The following NWD2 variants were observed in gnomAD, a reference collection of about 807,000 sequenced individuals.
NWD2 encodes the protein NACHT and WD repeat domain-containing protein 2.
NWD2 carries 37 observed loss-of-function variants against 132.7 expected under a neutral mutation model. The ratio of observed to expected loss-of-function variants is 0.28; its 90% CI spans 0.21 to 0.37. The LOEUF (loss-of-function observed/expected upper bound fraction) is 0.37. Among genes scored for constraint, NWD2 ranks in the 10% least tolerant of loss-of-function variants. The pLI, the probability that NWD2 is intolerant of heterozygous loss-of-function variation, is 1.00. For missense variants in NWD2, 1,592 were observed against 2,122.4 expected (o/e 0.75, Z 4.91); for synonymous variants, 705 against 803.0 (o/e 0.88, Z 2.06).
chr4:37,356,819 A>G (rs763989545), intron 3 of NWD2, among the ~76,000 whole-genome samples: 5 of 152,204 alleles, frequency 3.3e-5, no homozygotes, highest in Non-Finnish European at 1.5e-5. Flanking sequence ...ATCTTATTGT[A>G]TAATATATTC....
At chr4:37,423,924 A>G (rs1711902706) in intron 3 of NWD2, among the ~76,000 whole-genome samples, 1 of 152,184 alleles carries the variant, frequency 6.6e-6, no homozygotes, top group Non-Finnish European at 1.5e-5. Flanking sequence ...ACAAATTCAG[A>G]TACATGTATA....
At chr4:37,343,490 TCAAAA>T (rs1560399705) in intron 2 of NWD2, among the ~76,000 whole-genome samples, 1 of 152,192 alleles carries the variant, frequency 6.6e-6, no homozygotes, top group Non-Finnish European at 1.5e-5. Flanking sequence ...CCATTTTTAA[TCAAAA>T]CAAAATTCAA....
chr4:37,442,644 C>A (rs1577704074), intron 6 of NWD2, among the ~76,000 whole-genome samples: 1 of 152,160 alleles, frequency 6.6e-6, no homozygotes, highest in East Asian at 1.9e-4. Flanking sequence ...GCTCTTTTAA[C>A]CACCATTCTG....
Position 37,446,248 on chromosome 4 carries a change from C to T in NWD2, c.4260C>T (p.Ala1420=). The change falls in exon 7 of 7, where the codon GCC becomes GCT. Residue 1420 remains alanine (A), a synonymous_variant. Coordinates refer to ENST00000309447, the MANE Select transcript of NWD2 (RefSeq NM_001144990.2). The surrounding 1 kb of genome is among the most constrained non-coding windows in gnomAD (Gnocchi z 6.7). ...QFVVSLCEEN[A]SRVWRLATGH... Reference sequence around the variant, plus strand: ...TGGTCTCGCTCTGTGAGGAAAATGCCTCCAGGGTTTGGAGGCTCGCCACAG... The same window carrying T: ...TGGTCTCGCTCTGTGAGGAAAATGCTTCCAGGGTTTGGAGGCTCGCCACAG... 5.8e-6 allele frequency: 9 copies of T among 1,551,664 alleles called. No individual in the cohort carries two copies. Among genetic ancestry groups the T allele is most frequent in the Non-Finnish European group, 7.8e-6 (9 of 1,146,998 alleles).
chr4:37,396,924 T>C (rs1230942188), intron 3 of NWD2, among the ~76,000 whole-genome samples: 1 of 151,952 alleles, frequency 6.6e-6, no homozygotes, highest in Non-Finnish European at 1.5e-5. Context: ...TCCCAGCTAC[T>C]CGGGAGGCTG....
intron 1 of NWD2, among the ~76,000 whole-genome samples, chr4:37,271,661 T>C (rs1389768764): frequency 6.6e-6 from 1 of 151,810 alleles, no homozygotes; most frequent in Non-Finnish European, 1.5e-5. Flanking sequence ...CTTTTAGGTC[T>C]TCACACATTT....
intron 1 of NWD2, among the ~76,000 whole-genome samples, chr4:37,280,499 A>G (rs73807470): frequency 0.095 from 14,515 of 152,128 alleles, 760 homozygotes; most frequent in African/African-American, 0.11. Context: ...AAAACCACAC[A>G]GACATAGGGA....
Position 37,436,117 on chromosome 4 carries a change from G to GGAATC in NWD2, c.706+2099_706+2103dup, listed in dbSNP as rs1470877572. On this transcript the variant is annotated intron_variant, in intron 5 of 6. Coordinates refer to ENST00000309447, the MANE Select transcript of NWD2 (RefSeq NM_001144990.2). ...AGAACATCAAAACTCAGTGGCCTTG[G>GGAATC]GAATCGTAAAGAAATTAATTTCTCA... is the stretch of plus-strand genomic sequence containing the variant. Among the ~76,000 whole-genome samples, 242 of 151,916 alleles carry GGAATC rather than the reference G, an allele frequency of 1.6e-3. 1 individual carries two copies. Among genetic ancestry groups the GGAATC allele is most frequent in the African/African-American group, 5.5e-3 (230 of 41,448 alleles).
Position 37,444,504 on chromosome 4 carries a change from A to G in NWD2, c.2516A>G (p.Tyr839Cys). Reference protein sequence around the residue: ...VNHRKMSELLYHLTRCGKTDD... With the variant: ...VNHRKMSELLCHLTRCGKTDD... ...CATCGGAAAATGTCTGAGCTGTTGT[A>G]CCACTTGACGAGGTGTGGAAAAACC... is the stretch of plus-strand genomic sequence containing the variant. The change falls in exon 7 of 7, where the codon TAC becomes TGC. Residue 839 changes from tyrosine (Y) to cysteine (C), a missense_variant. Transcript: ENST00000309447. This position sits in a 1 kb window ranked among gnomAD's most constrained non-coding sequence, Gnocchi z 4.8. The G allele has an allele frequency of 6.4e-7, 1 of 1,551,788 alleles. No homozygotes were observed. The highest frequency in any genetic ancestry group is 1.4e-5 in the African/African-American group (1 of 73,154).
At chr4:37,306,302 G>A (rs1206917378) in intron 1 of NWD2, among the ~76,000 whole-genome samples, 2 of 151,738 alleles carry the variant, frequency 1.3e-5, no homozygotes, top group Admixed American at 1.3e-4. Flanking sequence ...CTGATCTTTA[G>A]TACTTTAAGT....
At chr4:37,299,906 A>C (rs1292035822) in intron 1 of NWD2, among the ~76,000 whole-genome samples, 1 of 152,160 alleles carries the variant, frequency 6.6e-6, no homozygotes, top group African/African-American at 2.4e-5. Context: ...CAGCACACAG[A>C]GAAACCTCAA....
Position 37,447,393 on chromosome 4 carries a change from G to C in NWD2, c.*176G>C. 1 of 592,858 alleles carries C rather than the reference G, an allele frequency of 1.7e-6. No homozygotes were observed. The highest frequency in any genetic ancestry group is 3.0e-6 in the Non-Finnish European group (1 of 338,132). 36.7% of individuals were successfully genotyped at this position (592,858 alleles called of 1,614,324 possible). ...GGTTAGTCTTGGGTGTGGTCTTTTT[G>C]TCAAAGTGTATCCAGAATGTCAGAA... On this transcript the variant is annotated 3_prime_UTR_variant, in exon 7 of 7. Coordinates refer to ENST00000309447, the MANE Select transcript of NWD2 (RefSeq NM_001144990.2).
intron 3 of NWD2, among the ~76,000 whole-genome samples, chr4:37,409,982 G>A (rs1044067843): frequency 6.6e-6 from 1 of 152,160 alleles, no homozygotes; most frequent in Non-Finnish European, 1.5e-5. Flanking sequence ...CACCAGGCCT[G>A]CCTTACAAGA....
chr4:37,446,969 A>G lies in NWD2; in HGVS notation c.4981A>G (p.Asn1661Asp), dbSNP rs1365239612. 6 of 1,551,600 alleles carry G rather than the reference A, an allele frequency of 3.9e-6. No homozygotes were observed. The highest frequency in any genetic ancestry group is 5.2e-6 in the Non-Finnish European group (6 of 1,147,010). Residue 1661 changes from asparagine (N) to aspartate (D), a missense_variant, in exon 7 of 7, where the codon AAT becomes GAT. Physicochemically the swap from Asn to Asp is conservative, Grantham distance 23. Coordinates refer to ENST00000309447, the MANE Select transcript of NWD2 (RefSeq NM_001144990.2). This position sits in a 1 kb window ranked among gnomAD's most constrained non-coding sequence, Gnocchi z 6.7. ...ACTGAAAATCAAAATTGCCACTTCA[A>G]ATAGCAGACAAATTTTCAACAATGC... ...AALKIKIATS[N>D]SRQIFNNATH...
At chr4:37,377,795 A>T (rs767947337) in intron 3 of NWD2, among the ~76,000 whole-genome samples, 1 of 152,214 alleles carries the variant, frequency 6.6e-6, no homozygotes, top group Admixed American at 6.5e-5. Context: ...ATAGTTAATA[A>T]TTTAAAATAA....
chr4:37,248,018 G>A (rs1393743092), intron 1 of NWD2, among the ~76,000 whole-genome samples: 1 of 152,098 alleles, frequency 6.6e-6, no homozygotes, highest in Non-Finnish European at 1.5e-5. Context: ...TGGACCAGGG[G>A]TGTTCCATCT....
intron 3 of NWD2, among the ~76,000 whole-genome samples, chr4:37,375,400 T>C (rs1720327759): frequency 6.6e-6 from 1 of 152,196 alleles, no homozygotes; most frequent in Non-Finnish European, 1.5e-5. Context: ...CTTATCTATA[T>C]GTTTTTATTT....
intron 2 of NWD2, among the ~76,000 whole-genome samples, chr4:37,339,788 T>C (rs1431892689): frequency 6.6e-6 from 1 of 152,204 alleles, no homozygotes; most frequent in African/African-American, 2.4e-5. Context: ...TAGTATATAT[T>C]GTACCCATTA....
intron 1 of NWD2, among the ~76,000 whole-genome samples, chr4:37,253,438 C>T (rs1717436091): frequency 6.6e-6 from 1 of 152,174 alleles, no homozygotes; most frequent in Non-Finnish European, 1.5e-5. Flanking sequence ...AGAATGAAGC[C>T]ATGCTCCCCG....
Sources: gnomAD v4.1 joint callset for allele counts (sites outside exome capture counted in the v4.1 genomes callset) on GRCh38, gnomAD v4.1.1 for gene constraint, Gnocchi (gnomAD v3.1) non-coding constraint, MANE v1.5 for transcripts, NCBI Gene and HGNC (gene_info 2026-07-23, HGNC 2026-07-21) for gene names.